Variants in NLGN1 observed in about 807,000 individuals in gnomAD.
NLGN1 encodes the protein neuroligin-1.
Under a neutral mutation model 65.5 loss-of-function variants are expected in NLGN1, and 12 were observed. The observed-to-expected ratio is 0.18, with a 90% CI of 0.12 to 0.30. NLGN1 has a LOEUF of 0.30. NLGN1 is among the 10% of genes least tolerant of loss of function. The pLI is 1.00. For missense variants in NLGN1, 750 were observed against 1,007.1 expected (o/e 0.74, Z 3.46); for synonymous variants, 350 against 359.5 (o/e 0.97, Z 0.30).
At chr3:173,876,358 T>C (rs1732102159) in intron 4 of NLGN1, among the ~76,000 whole-genome samples, 1 of 152,132 alleles carries the variant, frequency 6.6e-6, no homozygotes, top group African/African-American at 2.4e-5. Context: ...ACTTTAAAAA[T>C]TTAGCAAGAT....
At position 173,499,214 on chromosome 3, in the gene NLGN1, C is replaced by T. The variant is rs547016079; in HGVS notation, c.-321+64136C>T. On this transcript the variant is annotated intron_variant, in intron 2 of 6. Coordinates refer to ENST00000457714, the Ensembl canonical transcript of NLGN1. ...TCTAACATTTAAGCCTTTAATCCAT[C>T]TTGAATTTATTTTTGTATAAGGTAT... 6.1e-3 allele frequency among the ~76,000 whole-genome samples: 928 copies of T among 151,898 alleles called. 8 individuals carry two copies. The highest frequency in any genetic ancestry group is 9.1e-3 in the Admixed American group (139 of 15,286).
At chr3:173,740,571 G>T (rs527385763) in intron 3 of NLGN1, among the ~76,000 whole-genome samples, 3 of 152,068 alleles carry the variant, frequency 2.0e-5, no homozygotes, top group Non-Finnish European at 2.9e-5. Context: ...ATTAGAAAGA[G>T]AAGAAAATAA....
At chr3:173,969,611 T>C (rs1715734380) in intron 4 of NLGN1, among the ~76,000 whole-genome samples, 1 of 152,136 alleles carries the variant, frequency 6.6e-6, no homozygotes, top group Admixed American at 6.6e-5. Context: ...TTACGTGAGC[T>C]TGTTTCAGGA....
chr3:173,682,146 C>T (rs551996195), intron 3 of NLGN1, among the ~76,000 whole-genome samples: 25 of 151,980 alleles, frequency 1.6e-4, no homozygotes, highest in African/African-American at 6.0e-4. Context: ...TAGTAGTGCC[C>T]ACATCATTGA....
At chr3:174,208,014 A>G (rs1479857194) in intron 4 of NLGN1, among the ~76,000 whole-genome samples, 2 of 152,210 alleles carry the variant, frequency 1.3e-5, no homozygotes, top group Non-Finnish European at 2.9e-5. Context: ...ATTATAAAGC[A>G]AACCTTTAGC....
chr3:174,096,069 C>CA (rs1282605113), intron 4 of NLGN1, among the ~76,000 whole-genome samples: 1 of 151,166 alleles, frequency 6.6e-6, no homozygotes, highest in Non-Finnish European at 1.5e-5. Flanking sequence ...GCCTTATATA[C>CA]AAAGAGTGAG....
chr3:173,397,443 A>G (rs560133190), upstream of NLGN1, among the ~76,000 whole-genome samples: 11 of 151,618 alleles, frequency 7.3e-5, no homozygotes, highest in South Asian at 2.1e-4. Context: ...TGTGCCGCTA[A>G]CCTCTTTCCT....
intron 4 of NLGN1, among the ~76,000 whole-genome samples, chr3:174,017,206 A>G (rs1267187838): frequency 6.6e-6 from 1 of 152,166 alleles, no homozygotes; most frequent in African/African-American, 2.4e-5. Flanking sequence ...CACACAGTTG[A>G]CATAATATTT....
At chr3:174,002,862 G>A (rs1402917534) in intron 4 of NLGN1, among the ~76,000 whole-genome samples, 5 of 152,242 alleles carry the variant, frequency 3.3e-5, no homozygotes, top group Admixed American at 2.6e-4. Flanking sequence ...TTCATTGCAA[G>A]TAGAAATTCT....
chr3:174,129,852 A>G (rs1719794291), intron 4 of NLGN1, among the ~76,000 whole-genome samples: 1 of 152,266 alleles, frequency 6.6e-6, no homozygotes, highest in Admixed American at 6.5e-5. Context: ...TCACCCTCTG[A>G]TCTAACACAT....
chr3:173,527,605 GC>G (rs2149166696), intron 2 of NLGN1, among the ~76,000 whole-genome samples: 1 of 152,240 alleles, frequency 6.6e-6, no homozygotes, highest in East Asian at 1.9e-4. Flanking sequence ...CACCATGTTA[GC>G]CAGGATAGTC....
At chr3:173,438,879 G>C (rs141547940) in intron 2 of NLGN1, among the ~76,000 whole-genome samples, 1 of 152,094 alleles carries the variant, frequency 6.6e-6, no homozygotes, top group Non-Finnish European at 1.5e-5. Flanking sequence ...CATAGTTATC[G>C]TGTGGACATT....
chr3:174,276,702 A>G (rs9814250), intron 5 of NLGN1, among the ~76,000 whole-genome samples: 6,417 of 151,974 alleles, frequency 0.042, 436 homozygotes, highest in African/African-American at 0.15. Flanking sequence ...TTATTAACAT[A>G]GTTTACATAA....
intron 3 of NLGN1, among the ~76,000 whole-genome samples, chr3:173,613,514 A>G (rs868594256): frequency 1.4e-4 from 21 of 152,248 alleles, no homozygotes; most frequent in Middle Eastern, 3.4e-3. Flanking sequence ...AAAATGATTC[A>G]GTTTTTTGAT....
intron 1 of NLGN1, among the ~76,000 whole-genome samples, chr3:173,411,933 TA>T (rs1712660558): frequency 1.3e-5 from 2 of 152,144 alleles, no homozygotes; most frequent in South Asian, 2.1e-4. Context: ...TATTAAGGTT[TA>T]ATTGTATTTT....
At chr3:173,943,535 G>A (rs1746537783) in intron 4 of NLGN1, among the ~76,000 whole-genome samples, 1 of 152,108 alleles carries the variant, frequency 6.6e-6, no homozygotes, top group Non-Finnish European at 1.5e-5. Context: ...GTTAGGTAAT[G>A]GCGAGTCTGG....
intron 4 of NLGN1, among the ~76,000 whole-genome samples, chr3:174,135,599 G>T (rs765227161): frequency 6.6e-6 from 1 of 152,034 alleles, no homozygotes; most frequent in East Asian, 1.9e-4. Context: ...AGAATATTTG[G>T]TTATTTCCAG....
Position 173,777,946 on chromosome 3 carries a change from A to G in NLGN1, c.494-29734A>G, listed in dbSNP as rs148424924. Among the ~76,000 whole-genome samples, 1,124 of 151,986 alleles carry G rather than the reference A, an allele frequency of 7.4e-3. 19 individuals are homozygous for G. The highest frequency in any genetic ancestry group is 0.024 in the African/African-American group (1,015 of 41,524). On this transcript the variant is annotated intron_variant, in intron 3 of 6. Coordinates refer to ENST00000457714, the Ensembl canonical transcript of NLGN1. The stretch of plus-strand genomic sequence containing the variant: ...AACTGATAATGATAATAATCATTGT[A>G]TTAAACAATCAATACTTCACTATAT...
At chr3:174,021,721 A>G (rs541131195) in intron 4 of NLGN1, among the ~76,000 whole-genome samples, 57 of 152,292 alleles carry the variant, frequency 3.7e-4, no homozygotes, top group Non-Finnish European at 6.8e-4. Flanking sequence ...GAATCAGAAA[A>G]GAGACAGAGA....
Sources: gnomAD v4.1 joint callset for allele counts (sites outside exome capture counted in the v4.1 genomes callset) on GRCh38, gnomAD v4.1.1 for gene constraint, MANE v1.5 for transcripts, NCBI Gene and HGNC (gene_info 2026-07-23, HGNC 2026-07-21) for gene names.